Variants in PDE4D observed in about 807,000 individuals in gnomAD.
The protein encoded by PDE4D is 3',5'-cyclic-AMP phosphodiesterase 4D.
PDE4D carries 24 observed loss-of-function variants against 87.4 expected under a neutral mutation model. That is an observed-to-expected ratio of 0.27 (90% CI 0.20 to 0.39). The LOEUF (loss-of-function observed/expected upper bound fraction) is 0.39. Ranked by LOEUF, PDE4D falls within the 10% of genes least tolerant of loss-of-function variation. PDE4D has a pLI of 1.00. For missense variants in PDE4D, 714 were observed against 1,041.0 expected, an observed-to-expected ratio of 0.69 and a Z score of 4.32; for synonymous variants, 384 against 383.2, an observed-to-expected ratio of 1.00 and a Z score of -0.02.
At chr5:60,280,140 A>G (rs1303121671) in intron 1 of PDE4D, among the ~76,000 whole-genome samples, 1 of 152,150 alleles carries the variant, frequency 6.6e-6, no homozygotes, top group South Asian at 2.1e-4. Flanking sequence ...TTTAAACAAC[A>G]TTACTCAACA....
intron 1 of PDE4D, among the ~76,000 whole-genome samples, chr5:59,509,016 A>G (rs538618632): frequency 2.7e-4 from 41 of 152,020 alleles, no homozygotes; most frequent in Non-Finnish European, 5.5e-4. Flanking sequence ...ATTTGAAACA[A>G]TAATAGCTAA....
intron 5 of PDE4D, among the ~76,000 whole-genome samples, chr5:59,092,633 T>C (rs1403173025): frequency 6.6e-6 from 1 of 152,212 alleles, no homozygotes; most frequent in East Asian, 1.9e-4. Context: ...GTTGAGAGGA[T>C]GGTCTCTGAA....
intron 1 of PDE4D, among the ~76,000 whole-genome samples, chr5:59,570,320 G>A (rs1821617012): frequency 6.6e-6 from 1 of 152,146 alleles, no homozygotes. Context: ...ATTAATACAT[G>A]CATTCCCATG....
chr5:60,361,777 G>C (rs1045892064), intron 1 of PDE4D, among the ~76,000 whole-genome samples: 6 of 152,182 alleles, frequency 3.9e-5, no homozygotes, highest in Non-Finnish European at 8.8e-5. Flanking sequence ...AATGAACAGA[G>C]CACTCAGCTG....
intron 1 of PDE4D, among the ~76,000 whole-genome samples, chr5:60,518,837 T>G (rs541857941): frequency 6.6e-6 from 1 of 152,346 alleles, no homozygotes; most frequent in Admixed American, 6.5e-5. Flanking sequence ...CCTGCTTATT[T>G]GAGACACATC....
At chr5:59,826,126 TA>T (rs1434439653) in intron 1 of PDE4D, among the ~76,000 whole-genome samples, 1 of 152,152 alleles carries the variant, frequency 6.6e-6, no homozygotes, top group African/African-American at 2.4e-5. Flanking sequence ...ATTCAGAGAC[TA>T]AGGAACATGG....
At chr5:59,968,999 C>G (rs568364862) in intron 3 of PDE4D, among the ~76,000 whole-genome samples, 33 of 134,638 alleles carry the variant, frequency 2.5e-4, no homozygotes, top group Non-Finnish European at 4.6e-4. Flanking sequence ...GCACCCCCCC[C>G]CCGAAAAAAA....
chr5:59,685,508 CT>C (rs1561472075), intron 1 of PDE4D, among the ~76,000 whole-genome samples: 1 of 152,072 alleles, frequency 6.6e-6, no homozygotes, highest in Non-Finnish European at 1.5e-5. Context: ...CATGAAACAC[CT>C]GTTTGTTAGG....
At chr5:60,320,011 T>C (rs1756067873) in intron 1 of PDE4D, among the ~76,000 whole-genome samples, 1 of 152,248 alleles carries the variant, frequency 6.6e-6, no homozygotes, top group Non-Finnish European at 1.5e-5. Flanking sequence ...TTCAAAGCTG[T>C]CAGACAGGGA....
At chr5:60,027,070 C>G (rs978097336) in intron 2 of PDE4D, among the ~76,000 whole-genome samples, 7 of 151,910 alleles carry the variant, frequency 4.6e-5, no homozygotes, top group African/African-American at 1.5e-4. Flanking sequence ...TTCCTTCTCT[C>G]TTTTTTTCTT....
At chr5:60,108,722 T>C (rs1335222289) in intron 2 of PDE4D, among the ~76,000 whole-genome samples, 2 of 152,132 alleles carry the variant, frequency 1.3e-5, no homozygotes, top group Admixed American at 6.5e-5. Flanking sequence ...TACAACTATC[T>C]GATCTTTGAC....
intron 1 of PDE4D, among the ~76,000 whole-genome samples, chr5:59,358,911 C>A (rs920039919): frequency 2.0e-5 from 3 of 152,106 alleles, no homozygotes; most frequent in Admixed American, 6.5e-5. Flanking sequence ...TTTATGTATA[C>A]GACTTTGGAA....
chr5:60,400,770 A>G (rs2150045815), intron 1 of PDE4D, among the ~76,000 whole-genome samples: 1 of 151,808 alleles, frequency 6.6e-6, no homozygotes, highest in East Asian at 2.0e-4. Context: ...CATCTCTAAC[A>G]AAAATACAAA....
chr5:59,413,562 C>G (rs1793088562), intron 1 of PDE4D, among the ~76,000 whole-genome samples: 1 of 151,876 alleles, frequency 6.6e-6, no homozygotes, highest in Non-Finnish European at 1.5e-5. Context: ...ACCACCTAAC[C>G]TTTCTCCCTC....
At chr5:59,653,049 C>A (rs1337291070) in intron 1 of PDE4D, among the ~76,000 whole-genome samples, 1 of 151,654 alleles carries the variant, frequency 6.6e-6, no homozygotes, top group Non-Finnish European at 1.5e-5. Context: ...GAAACATTTC[C>A]ATCCAAAAAA....
intron 2 of PDE4D, among the ~76,000 whole-genome samples, chr5:59,213,083 T>C (rs1750424798): frequency 6.6e-6 from 1 of 151,132 alleles, no homozygotes; most frequent in Admixed American, 6.6e-5. Context: ...ATCTCTAAAT[T>C]TACATTTCCC....
intron 1 of PDE4D, among the ~76,000 whole-genome samples, chr5:60,305,739 AAT>A (rs1314045661): frequency 6.6e-6 from 1 of 151,862 alleles, no homozygotes; most frequent in Non-Finnish European, 1.5e-5. Context: ...CTTCAAATAA[AAT>A]ATAGACTCTA....
chr5:60,224,770 G>A (rs990848250), intron 1 of PDE4D, among the ~76,000 whole-genome samples: 1 of 152,066 alleles, frequency 6.6e-6, no homozygotes, highest in African/African-American at 2.4e-5. Context: ...AAGCCACCAG[G>A]CTAGCCCACA....
intron 1 of PDE4D, among the ~76,000 whole-genome samples, chr5:59,373,351 T>C (rs61021367): frequency 0.084 from 12,834 of 152,152 alleles, 1,571 homozygotes; most frequent in African/African-American, 0.27. Flanking sequence ...CTGATAGAAC[T>C]GAAAACATTA....
Sources: gnomAD v4.1 joint callset for allele counts (sites outside exome capture counted in the v4.1 genomes callset) on GRCh38, gnomAD v4.1.1 for gene constraint, MANE v1.5 for transcripts, NCBI Gene and HGNC (gene_info 2026-07-23, HGNC 2026-07-21) for gene names.